The following TENM2 variants were observed in gnomAD, a reference collection of about 807,000 sequenced individuals.
TENM2 encodes teneurin-2.
TENM2 carries 52 observed loss-of-function variants against 245.2 expected under a neutral mutation model. That is an observed-to-expected ratio of 0.21 (90% CI 0.17 to 0.27). The LOEUF (loss-of-function observed/expected upper bound fraction) is 0.27, where lower values mean the gene tolerates loss of function less well. TENM2 is among the 10% of genes least tolerant of loss of function. The probability of loss-of-function intolerance (pLI) is 1.00; values close to 1 mark genes in which losing one functional copy is unlikely to be tolerated. For synonymous variants in TENM2, 1,363 were observed against 1,438.9 expected, an observed-to-expected ratio of 0.95 and a Z score of 1.19; for missense variants, 3,046 against 3,666.8, an observed-to-expected ratio of 0.83 and a Z score of 4.37.
intron 12 of TENM2, among the ~76,000 whole-genome samples, chr5:168,145,122 T>C (rs1171531270): frequency 2.0e-5 from 3 of 146,536 alleles, no homozygotes; most frequent in South Asian, 2.3e-4. Context: ...TTCTCCCATT[T>C]TGTAGGTTGC....
the TENM2 span, among the ~76,000 whole-genome samples, chr5:167,152,068 A>C: frequency 0.041 from 6,302 of 152,232 alleles, 440 homozygotes; most frequent in African/African-American, 0.14. Flanking sequence ...TTGTATACAA[A>C]ATTTGCCACT....
intron 2 of TENM2, among the ~76,000 whole-genome samples, chr5:167,736,806 C>T (rs1170601833): frequency 4.6e-5 from 7 of 152,046 alleles, no homozygotes; most frequent in Admixed American, 3.3e-4. Context: ...AGTCTTGTTC[C>T]TATCTGAAGA....
chr5:168,056,934 T>C (rs2337118), intron 6 of TENM2, among the ~76,000 whole-genome samples: 23,567 of 152,062 alleles, frequency 0.15, 2,306 homozygotes, highest in Admixed American at 0.26. Context: ...AGGTATGTAG[T>C]AAGCTACACC....
chr5:167,109,631 G>A, the TENM2 span, among the ~76,000 whole-genome samples: 6 of 151,826 alleles, frequency 4.0e-5, no homozygotes, highest in Non-Finnish European at 8.8e-5. Flanking sequence ...CACTTCTCAC[G>A]TTCATCCTAA....
intron 1 of TENM2, among the ~76,000 whole-genome samples, chr5:167,351,147 TATGGATTATATATATATGGGATATATACA>T (rs1758882244): frequency 7.5e-6 from 1 of 133,996 alleles, no homozygotes; most frequent in South Asian, 2.5e-4. Context: ...GATATATACA[TATGGATTATATATATATGGGATATATACA>T]TATGGGATAT....
At chr5:168,142,408 A>T (rs1562209334) in intron 12 of TENM2, among the ~76,000 whole-genome samples, 1 of 152,258 alleles carries the variant, frequency 6.6e-6, no homozygotes, top group Non-Finnish European at 1.5e-5. Flanking sequence ...GGGTTATGCT[A>T]AGTAATACAA....
At chr5:168,224,971 G>T (rs1160997471) in intron 23 of TENM2, among the ~76,000 whole-genome samples, 1 of 152,154 alleles carries the variant, frequency 6.6e-6, no homozygotes, top group African/African-American at 2.4e-5. Context: ...AAGGTGATGT[G>T]GGGAGAAAAC....
chr5:167,415,274 G>GAA (rs58257395), intron 2 of TENM2, among the ~76,000 whole-genome samples: 7 of 151,540 alleles, frequency 4.6e-5, no homozygotes, highest in East Asian at 1.9e-4. Context: ...CTCTTTAAAT[G>GAA]AAAAAAAACT....
At chr5:167,149,848 T>TAA in the TENM2 span, among the ~76,000 whole-genome samples, 2 of 152,178 alleles carry the variant, frequency 1.3e-5, no homozygotes, top group African/African-American at 4.8e-5. Flanking sequence ...GCTTGTATGC[T>TAA]ATTCTCTTCC....
intron 3 of TENM2, among the ~76,000 whole-genome samples, chr5:167,911,876 CAAAT>C (rs1386853326): frequency 6.6e-6 from 1 of 151,874 alleles, no homozygotes; most frequent in Non-Finnish European, 1.5e-5. Context: ...TTTTAATTAA[CAAAT>C]ATATATATAT....
chr5:167,717,631 T>TGAAG (rs1759357519), intron 2 of TENM2, among the ~76,000 whole-genome samples: 2 of 152,176 alleles, frequency 1.3e-5, no homozygotes, highest in Non-Finnish European at 2.9e-5. Flanking sequence ...GTAAGTGTTT[T>TGAAG]CCCTTTCTGG....
intron 2 of TENM2, among the ~76,000 whole-genome samples, chr5:167,377,760 A>G (rs1425011242): frequency 4.6e-5 from 7 of 152,130 alleles, no homozygotes; most frequent in African/African-American, 1.7e-4. Context: ...CACTGATTTT[A>G]TGAAGTTTGG....
At chr5:167,395,968 G>A (rs1762027697) in intron 2 of TENM2, among the ~76,000 whole-genome samples, 1 of 152,146 alleles carries the variant, frequency 6.6e-6, no homozygotes, top group Admixed American at 6.6e-5. Context: ...GATAAGTGTT[G>A]TCAAGGATGT....
intron 2 of TENM2, among the ~76,000 whole-genome samples, chr5:167,523,869 T>C (rs1452523295): frequency 6.6e-6 from 1 of 152,170 alleles, no homozygotes; most frequent in African/African-American, 2.4e-5. Context: ...TCTGGAAATA[T>C]TGCCTATGTT....
At chr5:167,040,768 G>A in the TENM2 span, among the ~76,000 whole-genome samples, 20 of 152,090 alleles carry the variant, frequency 1.3e-4, no homozygotes, top group African/African-American at 2.4e-4. Context: ...TTTTACTGCC[G>A]TTAGAAGTCT....
chr5:167,200,824 A>G, the TENM2 span, among the ~76,000 whole-genome samples: 1 of 152,148 alleles, frequency 6.6e-6, no homozygotes, highest in African/African-American at 2.4e-5. Flanking sequence ...GTAACATTAA[A>G]GAATATCTCA....
the TENM2 span, among the ~76,000 whole-genome samples, chr5:167,155,039 T>G: frequency 2.0e-5 from 3 of 152,250 alleles, no homozygotes; most frequent in African/African-American, 7.2e-5. Context: ...TTTTGTCATA[T>G]TCTTCTTTGA....
intron 4 of TENM2, among the ~76,000 whole-genome samples, chr5:167,977,372 A>G (rs1761193866): frequency 1.3e-5 from 2 of 152,250 alleles, no homozygotes; most frequent in Non-Finnish European, 2.9e-5. Context: ...ACATATTAAA[A>G]TAAGACGAGT....
rs571401690 is a variant in TENM2, at chr5:168,191,856, A to C, written c.2780+1309A>C. Reference sequence around the variant, plus strand: ...GGATGGGGAAGGAATGGGTGTCAGCACAGCTGATTCTACAGCCTCTTAGAG... The same window carrying C: ...GGATGGGGAAGGAATGGGTGTCAGCCCAGCTGATTCTACAGCCTCTTAGAG... On this transcript the variant is annotated intron_variant, in intron 14 of 28. Transcript: ENST00000518659. 2.0e-5 allele frequency among the ~76,000 whole-genome samples: 3 copies of C among 152,162 alleles called. No homozygotes were observed. The South Asian group carries it at 6.2e-4, about 32-fold the overall frequency.
Sources: allele counts gnomAD v4.1 joint callset (sites outside exome capture counted in the v4.1 genomes callset), GRCh38; gene constraint gnomAD v4.1.1; transcripts MANE v1.5; gene names NCBI Gene and HGNC (gene_info 2026-07-23, HGNC 2026-07-21).